Variants in ATP8A2 observed in about 807,000 individuals in gnomAD.
ATP8A2 encodes ATPase phospholipid transporting 8A2, also known as phospholipid-transporting ATPase IB.
A neutral mutation model predicts 165.6 loss-of-function variants in ATP8A2; 100 were observed. The observed-to-expected ratio is 0.60, with a 90% CI of 0.51 to 0.71. The LOEUF (loss-of-function observed/expected upper bound fraction) is 0.71, where lower values mean the gene tolerates loss of function less well. Among genes scored for constraint, ATP8A2 ranks in the 30% least tolerant of loss-of-function variants. The pLI is 0.00. For missense variants in ATP8A2, 1,227 were observed against 1,479.5 expected, an observed-to-expected ratio of 0.83 and a Z score of 2.80; for synonymous variants, 543 against 548.8, an observed-to-expected ratio of 0.99 and a Z score of 0.15.
chr13:25,603,444 C>T (rs1184019289), intron 24 of ATP8A2, among the ~76,000 whole-genome samples: 1 of 148,170 alleles, frequency 6.7e-6, no homozygotes, highest in African/African-American at 2.5e-5. Context: ...TGAGTCGAGC[C>T]TGGGTGACAG....
chr13:25,801,566 A>G (rs912902211), intron 27 of ATP8A2, among the ~76,000 whole-genome samples: 24 of 151,368 alleles, frequency 1.6e-4, no homozygotes, highest in African/African-American at 5.3e-4. Context: ...GCTTCTGGGT[A>G]CTCCTCCTTC....
intron 2 of ATP8A2, among the ~76,000 whole-genome samples, chr13:25,507,441 T>C (rs1183240624): frequency 6.6e-6 from 1 of 152,030 alleles, no homozygotes; most frequent in Non-Finnish European, 1.5e-5. Flanking sequence ...AATTTTTGTA[T>C]TTTTAGTAGA....
chr13:25,748,477 A>G (rs372097552), intron 25 of ATP8A2, among the ~76,000 whole-genome samples: 4 of 152,298 alleles, frequency 2.6e-5, no homozygotes, highest in African/African-American at 9.6e-5. Flanking sequence ...TTTTATAAGC[A>G]TTAATCAATG....
At chr13:25,889,458 G>A (rs1264160328) in intron 33 of ATP8A2, among the ~76,000 whole-genome samples, 1 of 152,014 alleles carries the variant, frequency 6.6e-6, no homozygotes, top group Admixed American at 6.6e-5. Context: ...ACTCAGAGAT[G>A]TGGTTTGGTC....
At chr13:25,504,287 T>C (rs1196631470) in intron 2 of ATP8A2, among the ~76,000 whole-genome samples, 1 of 152,214 alleles carries the variant, frequency 6.6e-6, no homozygotes, top group Admixed American at 6.5e-5. Context: ...TATAAGATTT[T>C]GAAGAGATAG....
chr13:25,517,097 T>C (rs554752091), intron 2 of ATP8A2: 1 of 151,492 alleles, frequency 6.6e-6, no homozygotes, highest in East Asian at 1.9e-4. Flanking sequence ...TTTTTTTTTT[T>C]TTTAATATAA....
chr13:25,968,491 T>C, intron 34 of ATP8A2, 84 bp from the exon 35 acceptor site: 1 of 1,203,492 alleles, frequency 8.3e-7, no homozygotes, highest in South Asian at 1.3e-5. Flanking sequence ...CATTTGGCTG[T>C]GGCCTGAGAG....
At chr13:25,687,126 G>A (rs1472807378) in intron 24 of ATP8A2, among the ~76,000 whole-genome samples, 1 of 152,090 alleles carries the variant, frequency 6.6e-6, no homozygotes, top group Non-Finnish European at 1.5e-5. Context: ...GGCCCACAGC[G>A]GCCATGAGCA....
chr13:25,905,391 A>G (rs1337125239), intron 33 of ATP8A2, among the ~76,000 whole-genome samples: 1 of 151,716 alleles, frequency 6.6e-6, no homozygotes, highest in African/African-American at 2.4e-5. Context: ...TTCTGCTCTA[A>G]GCCTCTTTCA....
At chr13:25,893,944 G>T (rs1020183719) in intron 33 of ATP8A2, among the ~76,000 whole-genome samples, 38 of 152,132 alleles carry the variant, frequency 2.5e-4, no homozygotes, top group Non-Finnish European at 4.9e-4. Context: ...GTAGATTCTG[G>T]ATGAGTATGT....
intron 4 of ATP8A2, among the ~76,000 whole-genome samples, chr13:25,531,551 C>G (rs755589220): frequency 3.3e-5 from 5 of 150,866 alleles, no homozygotes; most frequent in Admixed American, 2.7e-4. Context: ...CTTGCTTTCA[C>G]AAACATATAT....
intron 27 of ATP8A2, among the ~76,000 whole-genome samples, chr13:25,810,285 G>C (rs1302564007): frequency 6.6e-6 from 1 of 152,202 alleles, no homozygotes; most frequent in Non-Finnish European, 1.5e-5. Context: ...ATGAGAATTT[G>C]AATGGAGACT....
At chr13:26,011,640 T>C (rs1956851021) in intron 35 of ATP8A2, among the ~76,000 whole-genome samples, 1 of 152,146 alleles carries the variant, frequency 6.6e-6, no homozygotes, top group Non-Finnish European at 1.5e-5. Context: ...TTTGGGCTTA[T>C]AGAAATAAAC....
chr13:25,679,537 C>T (rs2137798092), intron 24 of ATP8A2, among the ~76,000 whole-genome samples: 1 of 152,276 alleles, frequency 6.6e-6, no homozygotes, highest in African/African-American at 2.4e-5. Context: ...TTATGACTGT[C>T]AGCACTACAT....
intron 30 of ATP8A2, among the ~76,000 whole-genome samples, chr13:25,857,358 C>G (rs530624779): frequency 6.6e-6 from 1 of 152,158 alleles, no homozygotes; most frequent in East Asian, 1.9e-4. Flanking sequence ...ATTACTCTAC[C>G]TTATAGCTCC....
At position 25,976,837 on chromosome 13, in the gene ATP8A2, G is replaced by A. The variant is rs549958162; in HGVS notation, c.3377+8158G>A. Among the ~76,000 whole-genome samples, 3 of 152,298 alleles carry A rather than the reference G, an allele frequency of 2.0e-5. No homozygotes were observed. The South Asian group carries it at 6.2e-4, about 32-fold the overall frequency. ...AGAATCTTGCTCTATCGCCCAGGCT[G>A]GAGTGCAGTGGTGCGACCTCAGCTC... is the stretch of plus-strand genomic sequence containing the variant. On this transcript the variant is annotated intron_variant, in intron 35 of 36. Coordinates refer to ENST00000381655, the MANE Select transcript of ATP8A2 (RefSeq NM_016529.6).
At chr13:25,419,565 C>A (rs1214290390) in intron 1 of ATP8A2, among the ~76,000 whole-genome samples, 2 of 152,184 alleles carry the variant, frequency 1.3e-5, no homozygotes, top group African/African-American at 4.8e-5. Flanking sequence ...CACTGGGCAG[C>A]TGGAGTTTCC....
intron 23 of ATP8A2, among the ~76,000 whole-genome samples, chr13:25,584,163 C>T (rs966457272): frequency 1.3e-5 from 2 of 152,038 alleles, no homozygotes; most frequent in East Asian, 3.9e-4. Flanking sequence ...TGGGTGACGC[C>T]GAGAATTTAA....
At chr13:25,472,138 A>T (rs1470304929) in intron 2 of ATP8A2, among the ~76,000 whole-genome samples, 2 of 152,168 alleles carry the variant, frequency 1.3e-5, no homozygotes, top group African/African-American at 2.4e-5. Context: ...TAACACCTGT[A>T]ATCCCAGCAC....
Sources: allele counts gnomAD v4.1 joint callset (sites outside exome capture counted in the v4.1 genomes callset), GRCh38; gene constraint gnomAD v4.1.1; transcripts MANE v1.5; gene names NCBI Gene and HGNC (gene_info 2026-07-23, HGNC 2026-07-21).